The following SPEN variants were observed in gnomAD, a reference collection of about 807,000 sequenced individuals.
The protein encoded by SPEN is spen family transcriptional repressor.
A neutral mutation model predicts 269.9 loss-of-function variants in SPEN; 18 were observed. The ratio of observed to expected loss-of-function variants is 0.07; its 90% CI spans 0.05 to 0.10. The LOEUF is 0.10. Ranked by LOEUF, SPEN falls within the 10% of genes least tolerant of loss-of-function variation. The pLI, the probability that SPEN is intolerant of heterozygous loss-of-function variation, is 1.00. For missense variants in SPEN, 3,822 were observed against 4,631.2 expected (o/e 0.83, Z 5.07); for synonymous variants, 1,726 against 1,765.7 (o/e 0.98, Z 0.56).
intron 3 of SPEN, among the ~76,000 whole-genome samples, chr1:15,880,207 T>TA (rs893861004): frequency 3.9e-5 from 6 of 152,156 alleles, no homozygotes; most frequent in Non-Finnish European, 8.8e-5. Flanking sequence ...CTTGCTCTGT[T>TA]ACCACTGTCT....
chr1:15,875,859 ATAT>A (rs1261132814), intron 2 of SPEN, among the ~76,000 whole-genome samples: 3 of 152,204 alleles, frequency 2.0e-5, no homozygotes. Context: ...AAAAACTTTC[ATAT>A]TATTAAAATA....
chr1:15,887,135 T>C (rs914255078), intron 3 of SPEN, among the ~76,000 whole-genome samples: 1 of 151,642 alleles, frequency 6.6e-6, no homozygotes, highest in Non-Finnish European at 1.5e-5. Context: ...ACCACCACGC[T>C]GGGCTAATTT....
chr1:15,870,395 G>A (rs1244016951), intron 1 of SPEN, among the ~76,000 whole-genome samples: 6 of 151,740 alleles, frequency 4.0e-5, no homozygotes, highest in South Asian at 2.1e-4. Context: ...CCCATAGCAG[G>A]ATTTCAAAAC....
In SPEN at chr1:15,871,471, G is replaced by A. The variant is rs543807516; in HGVS notation, c.84-1345G>A. 2.3e-3 allele frequency among the ~76,000 whole-genome samples: 348 copies of A among 151,850 alleles called. 1 individual carries two copies. Among genetic ancestry groups the A allele is most frequent in the African/African-American group, 8.1e-3 (334 of 41,380 alleles). On this transcript the variant is annotated intron_variant, in intron 1 of 14. Coordinates refer to ENST00000375759, the MANE Select transcript of SPEN (RefSeq NM_015001.3). ...TTCTCATGCCTTAGCCTCCCAAGTA[G>A]CTGGGATTACAGATGTGTACTACCA...
At chr1:15,910,674 A>T (rs2071003780) in intron 4 of SPEN, among the ~76,000 whole-genome samples, 1 of 149,904 alleles carries the variant, frequency 6.7e-6, no homozygotes, top group South Asian at 2.1e-4. Flanking sequence ...GTTTTATTTC[A>T]TACCTATTTA....
Position 15,937,582 on chromosome 1 carries a change from C to T in SPEN, c.10446C>T (p.Pro3482=). The change falls in exon 12 of 15, where the codon CCC becomes CCT. Residue 3482 remains proline (P), a synonymous_variant. Transcript: ENST00000375759. The surrounding 1 kb of genome is among the most constrained non-coding windows in gnomAD (Gnocchi z 5.7). ...CACACACTGAATTCCAGCCAGCCCC[C>T]AAACAAGATTCCTCTCCACACCTGA... ...VLPHTEFQPA[P]KQDSSPHLTS... 1 of 1,614,182 alleles carries T rather than the reference C, an allele frequency of 6.2e-7. No individual in the cohort carries two copies. Among genetic ancestry groups the T allele is most frequent in the Non-Finnish European group, 8.5e-7 (1 of 1,180,034 alleles).
chr1:15,934,970 G>T lies in SPEN; in HGVS notation c.8730G>T (p.Glu2910Asp). 2.5e-6 allele frequency: 4 copies of T among 1,614,024 alleles called. No homozygotes were observed. Among genetic ancestry groups the T allele is most frequent in the Non-Finnish European group, 3.4e-6 (4 of 1,180,004 alleles). The change falls in exon 11 of 15, where the codon GAG becomes GAT. Residue 2910 changes from glutamate (E) to aspartate (D), a missense_variant. By Grantham distance (45) the Glu-to-Asp change is conservative. Around this residue, in one of 16 missense-constraint regions of SPEN, gnomAD observed 329 missense variants for 431.2 expected, o/e 0.76. Transcript: ENST00000375759. This position sits in a 1 kb window ranked among gnomAD's most constrained non-coding sequence, Gnocchi z 9.2. ...SSVKADRPSL[E>D]KPEPIHLSVS... ...TGAAGGCCGATAGGCCATCCTTGGA[G>T]AAGCCCGAGCCCATTCACCTCTCGG...
In SPEN at chr1:15,934,293, A is replaced by T; in HGVS notation, c.8053A>T (p.Thr2685Ser). The T allele has an allele frequency of 6.2e-7, 1 of 1,614,044 alleles. No homozygotes were observed. The highest frequency in any genetic ancestry group is 8.5e-7 in the Non-Finnish European group (1 of 1,180,012). The change falls in exon 11 of 15, where the codon ACC (threonine) becomes TCC (serine). Residue 2685 changes from threonine to serine, a missense_variant. Thr to Ser is a moderately conservative substitution (Grantham distance 58). This residue lies in a region of SPEN where 329 missense variants were observed against 431.2 expected (regional missense o/e 0.76). Transcript: ENST00000375759. This position sits in a 1 kb window ranked among gnomAD's most constrained non-coding sequence, Gnocchi z 9.2. ...SVTTLKSLVS[T>S]PAGPVNVLKG... The stretch of plus-strand genomic sequence containing the variant: ...GACCACACTGAAAAGTTTGGTGAGC[A>T]CCCCTGCTGGGCCCGTGAACGTCCT...
At position 15,928,730 on chromosome 1, in the gene SPEN, C is replaced by T. The variant is rs1216483777; in HGVS notation, c.2490C>T (p.Ser830=). The part of the protein sequence containing the change: ...DKQKRKGKVH[S]PSSQSSETDQ... ...AGAAACGCAAAGGAAAGGTTCACTCCCCTAGTTCTCAGTCTTCAGAAACGG... is the reference window on the plus strand; with the variant it reads ...AGAAACGCAAAGGAAAGGTTCACTCTCCTAGTTCTCAGTCTTCAGAAACGG... Residue 830 remains serine (S), a synonymous_variant, in exon 11 of 15, where the codon TCC becomes TCT. Coordinates refer to ENST00000375759, the MANE Select transcript of SPEN (RefSeq NM_015001.3). The surrounding 1 kb of genome is among the most constrained non-coding windows in gnomAD (Gnocchi z 5.7). 3.7e-6 allele frequency: 6 copies of T among 1,614,030 alleles called. No individual in the cohort carries two copies. Among genetic ancestry groups the T allele is most frequent in the African/African-American group, 1.3e-5 (1 of 74,996 alleles).
intron 3 of SPEN, among the ~76,000 whole-genome samples, chr1:15,889,573 G>C (rs1162562321): frequency 6.6e-6 from 1 of 152,146 alleles, no homozygotes; most frequent in Non-Finnish European, 1.5e-5. Context: ...GCTTCAAAGG[G>C]TAGTCTTGCT....
chr1:15,888,370 C>T (rs998500996), intron 3 of SPEN, among the ~76,000 whole-genome samples: 4 of 151,414 alleles, frequency 2.6e-5, no homozygotes, highest in Admixed American at 6.6e-5. Flanking sequence ...GTTGCCCAGG[C>T]GGAAGTGCAG....
chr1:15,885,313 T>C (rs1358215878), intron 3 of SPEN, among the ~76,000 whole-genome samples: 5 of 152,212 alleles, frequency 3.3e-5, no homozygotes, highest in Admixed American at 6.5e-5. Flanking sequence ...TTATTACTTT[T>C]TTAGATCGTC....
In SPEN at chr1:15,862,766, C is replaced by CTT. The variant is rs879452831; in HGVS notation, c.84-10038_84-10037dup. On this transcript the variant is annotated intron_variant, in intron 1 of 14. Coordinates refer to ENST00000375759, the MANE Select transcript of SPEN (RefSeq NM_015001.3). Reference sequence around the variant, plus strand: ...ATGCCTGTAATCCCAGCACTTTCTGCTTTTTTTTTTTTTGAGACGGAGTCT... The same window carrying CTT: ...ATGCCTGTAATCCCAGCACTTTCTGCTTTTTTTTTTTTTTTGAGACGGAGTCT... Among the ~76,000 whole-genome samples, 914 of 144,062 alleles carry CTT rather than the reference C, an allele frequency of 6.3e-3. 6 individuals carry two copies. The highest frequency in any genetic ancestry group is 0.022 in the Middle Eastern group (6 of 278). The allele number at this position is 144,062 out of a possible 152,430, so 94.5% of individuals were successfully genotyped here.
Position 15,922,252 on chromosome 1 carries a change from G to T in SPEN, c.1753G>T (p.Asp585Tyr). ...RKIGGNKIKV[D>Y]FANRESQLAF... ...ACACCTCTTTTTTTTTTTAAAGGTG[G>T]ATTTTGCAAATCGGGAAAGTCAGCT... Residue 585 changes from aspartate (D) to tyrosine (Y), a missense_variant, in exon 10 of 15, where the codon GAT (aspartate) becomes TAT (tyrosine). Coordinates refer to ENST00000375759, the MANE Select transcript of SPEN (RefSeq NM_015001.3). 6.3e-7 allele frequency: 1 copy of T among 1,592,136 alleles called. No individual in the cohort carries two copies. The highest frequency in any genetic ancestry group is 8.5e-7 in the Non-Finnish European group (1 of 1,173,366).
Position 15,937,637 on chromosome 1 carries a change from C to T in SPEN, c.10501C>T (p.Leu3501Phe). Residue 3501 changes from leucine (L) to phenylalanine (F), a missense_variant, in exon 12 of 15, where the codon CTT (leucine) becomes TTT (phenylalanine). Leu to Phe is a conservative substitution (Grantham distance 22). Transcript: ENST00000375759. The surrounding 1 kb of genome is among the most constrained non-coding windows in gnomAD (Gnocchi z 5.7). The stretch of plus-strand genomic sequence containing the variant: ...CCAGAGACCCGTGGATATGGTTCAA[C>T]TTCTGAAGGTAAGCATGAGCAGGGG... ...TSQRPVDMVQ[L>F]LKKYPIVWQG... is the part of the protein sequence containing the mutation. 1.2e-6 allele frequency: 2 copies of T among 1,612,358 alleles called. No individual in the cohort carries two copies. The highest frequency in any genetic ancestry group is 8.5e-7 in the Non-Finnish European group (1 of 1,178,448).
rs1416243821 is a variant in SPEN at position 15,939,476 on chromosome 1, AAAAAC to A, written c.*53_*57del. 1 of 1,489,454 alleles carries A rather than the reference AAAAAC, an allele frequency of 6.7e-7. No individual in the cohort carries two copies. Among genetic ancestry groups the A allele is most frequent in the Non-Finnish European group, 9.0e-7 (1 of 1,114,108 alleles). The allele number at this position is 1,489,454 out of a possible 1,614,324, so 92.3% of individuals were successfully genotyped here. On this transcript the variant is annotated 3_prime_UTR_variant, in exon 15 of 15. Coordinates refer to ENST00000375759, the MANE Select transcript of SPEN (RefSeq NM_015001.3). This position sits in a 1 kb window ranked among gnomAD's most constrained non-coding sequence, Gnocchi z 4.1. ...GTGAATCTTCCCAGGGCTCTGCAGT[AAAAAC>A]AAAGGACAACCCAGCCAAGCAGAGG...
At chr1:15,936,715 TC>T (rs1473055005) in intron 11 of SPEN, among the ~76,000 whole-genome samples, 2 of 151,230 alleles carry the variant, frequency 1.3e-5, no homozygotes, top group East Asian at 3.9e-4. Context: ...GGCTGGCAGA[TC>T]ACTTGAGGTC....
chr1:15,929,963 A>G lies in SPEN; in HGVS notation c.3723A>G (p.Arg1241=), dbSNP rs1329741721. 11 of 1,614,156 alleles carry G rather than the reference A, an allele frequency of 6.8e-6. No homozygotes were observed. The highest frequency in any genetic ancestry group is 1.6e-4 in the Middle Eastern group (1 of 6,062). The change falls in exon 11 of 15, where the codon CGA becomes CGG. Residue 1241 remains arginine (R), a synonymous_variant. Transcript: ENST00000375759. The surrounding 1 kb of genome is among the most constrained non-coding windows in gnomAD (Gnocchi z 5.8). ...TCGATTTTGATATCTGCACCAAGCG[A>G]GAACGGAATTACAGAAGTTCACGCC... The part of the protein sequence containing the change: ...DHVDFDICTK[R]ERNYRSSRQI...
chr1:15,939,875 A>G lies in SPEN; in HGVS notation c.*448A>G. The G allele has an allele frequency of 4.3e-6, 1 of 233,780 alleles. No individual in the cohort carries two copies. The highest frequency in any genetic ancestry group is 6.0e-5 in the East Asian group (1 of 16,566). 14.5% of individuals were successfully genotyped at this position (233,780 alleles called of 1,614,324 possible). On this transcript the variant is annotated 3_prime_UTR_variant, in exon 15 of 15. Coordinates refer to ENST00000375759, the MANE Select transcript of SPEN (RefSeq NM_015001.3). This position sits in a 1 kb window ranked among gnomAD's most constrained non-coding sequence, Gnocchi z 4.1. ...TGTAGACACACATTGCAGACTCTTA[A>G]CGCAGGAAGGACTTCAAACTTCTGC...
Sources: allele counts gnomAD v4.1 joint callset (sites outside exome capture counted in the v4.1 genomes callset), GRCh38; gene constraint gnomAD v4.1.1; regional missense constraint gnomAD v4.1.1; non-coding constraint Gnocchi (gnomAD v3.1); transcripts MANE v1.5; gene names NCBI Gene and HGNC (gene_info 2026-07-23, HGNC 2026-07-21).